SAMD3: variants seen among roughly 807,000 people sequenced by gnomAD.
SAMD3 encodes sterile alpha motif domain-containing protein 3.
In SAMD3, 63 loss-of-function variants were observed where a neutral mutation model predicts 58.5. The ratio of observed to expected loss-of-function variants is 1.08; its 90% confidence interval spans 0.88 to 1.33. The LOEUF is 1.33. Ranked by LOEUF, SAMD3 falls within the 40% of genes most tolerant of loss-of-function variation. The pLI is 0.00. For synonymous variants in SAMD3, 220 were observed against 210.3 expected, an observed-to-expected ratio of 1.05 and a Z score of -0.40; for missense variants, 604 against 608.4, an observed-to-expected ratio of 0.99 and a Z score of 0.08.
At chr6:130,342,828 T>G (rs554526525) in intron 1 of SAMD3, among the ~76,000 whole-genome samples, 2 of 152,168 alleles carry the variant, frequency 1.3e-5, no homozygotes, top group South Asian at 4.1e-4. Flanking sequence ...CTGATAAAAT[T>G]CTCAAAGGCT....
intron 1 of SAMD3, among the ~76,000 whole-genome samples, chr6:130,222,371 A>G (rs1242681104): frequency 6.6e-6 from 1 of 152,244 alleles, no homozygotes; most frequent in Non-Finnish European, 1.5e-5. Context: ...TTTAAAATAA[A>G]ATACTATGTA....
intron 1 of SAMD3, among the ~76,000 whole-genome samples, chr6:130,324,495 T>TA (rs1203293427): frequency 1.3e-5 from 2 of 152,242 alleles, no homozygotes; most frequent in African/African-American, 4.8e-5. Flanking sequence ...TAGCTTTTTT[T>TA]ACCATCAAAA....
In SAMD3 at chr6:130,251,478, G is replaced by A. The variant is rs192318771; in HGVS notation, c.-187-28665C>T. ...AATAATGCAAGGACACAAATTTTTCGTCTGTTTTTTTCTAAAACTTTTATA... is the reference window on the plus strand; with the variant it reads ...AATAATGCAAGGACACAAATTTTTCATCTGTTTTTTTCTAAAACTTTTATA... On this transcript the variant is annotated intron_variant, in intron 2 of 13. Coordinates refer to the SAMD3 transcript ENST00000368134. Among the ~76,000 whole-genome samples, 54 of 151,304 alleles carry A rather than the reference G, an allele frequency of 3.6e-4. No homozygotes were observed. The East Asian group carries it at 9.3e-3, about 26-fold the overall frequency.
At chr6:130,317,857 T>C (rs1344208572) in intron 1 of SAMD3, among the ~76,000 whole-genome samples, 2 of 152,224 alleles carry the variant, frequency 1.3e-5, no homozygotes, top group African/African-American at 4.8e-5. Context: ...GTATTCAGGC[T>C]GCAGGCCTAT....
intron 5 of SAMD3, among the ~76,000 whole-genome samples, chr6:130,185,370 C>A (rs1792838495): frequency 6.6e-6 from 1 of 152,118 alleles, no homozygotes; most frequent in Non-Finnish European, 1.5e-5. Flanking sequence ...CACTCTGTCG[C>A]CAGGCTGGAG....
chr6:130,151,175 A>G (rs910734680), intron 9 of SAMD3, among the ~76,000 whole-genome samples: 1 of 152,092 alleles, frequency 6.6e-6, no homozygotes, highest in Non-Finnish European at 1.5e-5. Context: ...GTGCAGCTCC[A>G]TGAGACCTCC....
intron 2 of SAMD3, among the ~76,000 whole-genome samples, chr6:130,264,799 C>A: frequency 6.6e-6 from 1 of 152,116 alleles, no homozygotes; most frequent in East Asian, 1.9e-4. Context: ...AAACTCATGT[C>A]GGCCTCAGTC....
intron 5 of SAMD3, among the ~76,000 whole-genome samples, chr6:130,201,338 A>G (rs775812191): frequency 8.5e-5 from 13 of 152,182 alleles, no homozygotes; most frequent in Non-Finnish European, 1.3e-4. Flanking sequence ...CTTAAAAAAA[A>G]TACTGATGCA....
chr6:130,287,880 G>A (rs556092788), intron 2 of SAMD3, among the ~76,000 whole-genome samples: 2 of 151,900 alleles, frequency 1.3e-5, no homozygotes, highest in African/African-American at 2.4e-5. Flanking sequence ...GGGAGGCGGA[G>A]GTTGCAGTGA....
intron 2 of SAMD3, among the ~76,000 whole-genome samples, chr6:130,255,429 T>A (rs964762400): frequency 6.6e-6 from 1 of 152,224 alleles, no homozygotes; most frequent in African/African-American, 2.4e-5. Context: ...ATGCAATCTA[T>A]CTCTCTTTTC....
chr6:130,201,516 A>G (rs1794652418), intron 5 of SAMD3, among the ~76,000 whole-genome samples: 1 of 152,192 alleles, frequency 6.6e-6, no homozygotes, highest in Non-Finnish European at 1.5e-5. Context: ...AGTACAATAG[A>G]ATTTGAGAAG....
chr6:130,264,861 A>G (rs1562488090), intron 2 of SAMD3, among the ~76,000 whole-genome samples: 1 of 152,110 alleles, frequency 6.6e-6, no homozygotes, highest in Admixed American at 6.5e-5. Context: ...GTCAGAAAAA[A>G]AAAAAATGGC....
chr6:130,189,771 C>T (rs1793358509), intron 5 of SAMD3, among the ~76,000 whole-genome samples: 1 of 152,124 alleles, frequency 6.6e-6, no homozygotes, highest in Non-Finnish European at 1.5e-5. Flanking sequence ...GAAACATTAA[C>T]CATAAACATT....
chr6:130,221,519 A>C (rs1241187257), intron 1 of SAMD3: 1 of 152,228 alleles, frequency 6.6e-6, no homozygotes, highest in Admixed American at 6.5e-5. Context: ...TAGACAATTA[A>C]CACATATTTT....
At chr6:130,309,552 T>A (rs1339516002) in intron 2 of SAMD3, among the ~76,000 whole-genome samples, 1 of 152,058 alleles carries the variant, frequency 6.6e-6, no homozygotes, top group Non-Finnish European at 1.5e-5. Flanking sequence ...AGTAAAAAAA[T>A]CAGAACAAGT....
intron 1 of SAMD3, among the ~76,000 whole-genome samples, chr6:130,350,712 G>T (rs1183338096): frequency 6.6e-6 from 1 of 151,998 alleles, no homozygotes; most frequent in Non-Finnish European, 1.5e-5. Context: ...CACAGAATTG[G>T]AAAAACTACT....
chr6:130,323,394 C>G (rs1425487668), intron 1 of SAMD3, among the ~76,000 whole-genome samples: 1 of 152,130 alleles, frequency 6.6e-6, no homozygotes, highest in East Asian at 1.9e-4. Flanking sequence ...TTGTATTTCC[C>G]TGAAATTATG....
chr6:130,220,547 T>A (rs1478216694), intron 1 of SAMD3, among the ~76,000 whole-genome samples: 1 of 152,212 alleles, frequency 6.6e-6, no homozygotes, highest in Non-Finnish European at 1.5e-5. Context: ...ACTGTGCTAT[T>A]GAATTTTATG....
At chr6:130,356,339 C>G (rs1174249306) in intron 1 of SAMD3, among the ~76,000 whole-genome samples, 1 of 152,176 alleles carries the variant, frequency 6.6e-6, no homozygotes, top group Non-Finnish European at 1.5e-5. Context: ...GCCTGGTCTG[C>G]CCCGGCTACA....
Sources: allele counts gnomAD v4.1 joint callset (sites outside exome capture counted in the v4.1 genomes callset), GRCh38; gene constraint gnomAD v4.1.1; transcripts MANE v1.5; gene names NCBI Gene and HGNC (gene_info 2026-07-23, HGNC 2026-07-21).